The following CSNK1G3 variants were observed in gnomAD, a reference collection of about 807,000 sequenced individuals.
CSNK1G3 encodes the protein casein kinase I isoform gamma-3.
CSNK1G3 carries 23 observed loss-of-function variants against 64.3 expected under a neutral mutation model. The observed-to-expected ratio is 0.36, with a 90% CI of 0.26 to 0.51. The LOEUF (loss-of-function observed/expected upper bound fraction) is 0.51, where lower values mean the gene tolerates loss of function less well. Among genes scored for constraint, CSNK1G3 ranks in the 20% least tolerant of loss-of-function variants. The pLI is 0.96. For synonymous variants in CSNK1G3, 158 were observed against 162.2 expected, an observed-to-expected ratio of 0.97 and a Z score of 0.20; for missense variants, 357 against 510.5, an observed-to-expected ratio of 0.70 and a Z score of 2.90.
At chr5:123,569,518 T>C (rs970594809) in intron 4 of CSNK1G3, among the ~76,000 whole-genome samples, 1 of 152,238 alleles carries the variant, frequency 6.6e-6, no homozygotes, top group East Asian at 1.9e-4. Context: ...GAGTTATGCA[T>C]GTATTTCAAA....
At chr5:123,564,279 T>C (rs560601424) in intron 4 of CSNK1G3, among the ~76,000 whole-genome samples, 196 of 152,102 alleles carry the variant, frequency 1.3e-3, no homozygotes, top group African/African-American at 4.4e-3. Context: ...CAGGCATTAG[T>C]GTTGTGTGTG....
At chr5:123,524,162 G>T (rs1346912349) in intron 1 of CSNK1G3, among the ~76,000 whole-genome samples, 1 of 152,134 alleles carries the variant, frequency 6.6e-6, no homozygotes, top group Non-Finnish European at 1.5e-5. Flanking sequence ...ATGCAAAGTG[G>T]CATTTTATTT....
chr5:123,512,387 C>G (rs902894191), exon 1 of CSNK1G3: 1 of 152,112 alleles, frequency 6.6e-6, no homozygotes, highest in Non-Finnish European at 1.5e-5. Context: ...TGCGTTACCT[C>G]TCTCTCTCGC....
intron 1 of CSNK1G3, among the ~76,000 whole-genome samples, chr5:123,515,997 GT>G (rs890369345): frequency 6.6e-6 from 1 of 151,098 alleles, no homozygotes; most frequent in Non-Finnish European, 1.5e-5. Flanking sequence ...ATTTGAGTCA[GT>G]TTTTTTTTCT....
At chr5:123,577,467 A>T (rs1209026727) in intron 6 of CSNK1G3, among the ~76,000 whole-genome samples, 1 of 152,022 alleles carries the variant, frequency 6.6e-6, no homozygotes, top group Non-Finnish European at 1.5e-5. Flanking sequence ...GTTTATACTG[A>T]TACACTTTTA....
chr5:123,584,051 A>G (rs1790853904), intron 6 of CSNK1G3, among the ~76,000 whole-genome samples: 1 of 152,056 alleles, frequency 6.6e-6, no homozygotes. Flanking sequence ...CTTACCTACT[A>G]GTTGTAATAG....
chr5:123,563,460 A>G (rs1252279151), intron 4 of CSNK1G3, among the ~76,000 whole-genome samples: 1 of 152,026 alleles, frequency 6.6e-6, no homozygotes, highest in Non-Finnish European at 1.5e-5. Context: ...CTTGTTAAAA[A>G]GTCTGGATTT....
chr5:123,613,212 A>T (rs1474914287), intron 12 of CSNK1G3, among the ~76,000 whole-genome samples: 12 of 149,216 alleles, frequency 8.0e-5, no homozygotes, highest in African/African-American at 3.0e-4. Flanking sequence ...GTGGGAGCAG[A>T]TCAGTGATTT....
intron 1 of CSNK1G3, among the ~76,000 whole-genome samples, chr5:123,514,295 T>G (rs1776760772): frequency 6.6e-6 from 1 of 152,228 alleles, no homozygotes; most frequent in African/African-American, 2.4e-5. Context: ...GCTTAAACAT[T>G]AGTGTGTTAT....
At chr5:123,562,124 A>G (rs1428330746) in intron 4 of CSNK1G3, among the ~76,000 whole-genome samples, 3 of 151,826 alleles carry the variant, frequency 2.0e-5, no homozygotes, top group Non-Finnish European at 2.9e-5. Flanking sequence ...AGATCTTACT[A>G]TTTTCACGTC....
At chr5:123,527,231 A>G (rs537602183) in intron 1 of CSNK1G3, among the ~76,000 whole-genome samples, 1 of 152,258 alleles carries the variant, frequency 6.6e-6, no homozygotes, top group East Asian at 1.9e-4. Context: ...TTCTGGAACT[A>G]TTATTTCTTG....
At chr5:123,537,709 A>G (rs1316929593) in intron 1 of CSNK1G3, among the ~76,000 whole-genome samples, 1 of 152,186 alleles carries the variant, frequency 6.6e-6, no homozygotes, top group Non-Finnish European at 1.5e-5. Context: ...TGCAATTTAC[A>G]TACAATGCAT....
chr5:123,604,677 C>A, intron 10 of CSNK1G3, 47 bp from the exon 12 acceptor site: 1 of 915,842 alleles, frequency 1.1e-6, no homozygotes, highest in Admixed American at 2.1e-5. Flanking sequence ...TATTTATGAG[C>A]ATGTGTGTGT....
At chr5:123,548,557 A>C (rs1681251045) in intron 2 of CSNK1G3, among the ~76,000 whole-genome samples, 1 of 151,786 alleles carries the variant, frequency 6.6e-6, no homozygotes, top group Non-Finnish European at 1.5e-5. Context: ...TTTCAAATTT[A>C]AATACGTGTG....
chr5:123,585,131 G>T (rs1484338362), intron 6 of CSNK1G3, among the ~76,000 whole-genome samples: 1 of 152,054 alleles, frequency 6.6e-6, no homozygotes, highest in Non-Finnish European at 1.5e-5. Context: ...AGATAAGTTG[G>T]TCAGAATACA....
chr5:123,539,846 T>C (rs1056020959), intron 1 of CSNK1G3, among the ~76,000 whole-genome samples: 1 of 152,166 alleles, frequency 6.6e-6, no homozygotes, highest in Non-Finnish European at 1.5e-5. Context: ...ACTTTTGATA[T>C]TTTGTTTTAC....
intron 4 of CSNK1G3, among the ~76,000 whole-genome samples, chr5:123,569,950 AC>A (rs1787742762): frequency 6.6e-6 from 1 of 152,290 alleles, no homozygotes; most frequent in East Asian, 1.9e-4. Context: ...CTTTCTTAGC[AC>A]CCTTTAAGAT....
At chr5:123,562,096 ACT>A (rs1411327003) in intron 4 of CSNK1G3, among the ~76,000 whole-genome samples, 1 of 152,080 alleles carries the variant, frequency 6.6e-6, no homozygotes, top group Admixed American at 6.6e-5. Context: ...GTTGCACTAC[ACT>A]TACTATTCCT....
chr5:123,537,192 C>T (rs1052029345), intron 1 of CSNK1G3, among the ~76,000 whole-genome samples: 3 of 152,066 alleles, frequency 2.0e-5, no homozygotes, highest in African/African-American at 4.8e-5. Flanking sequence ...AACCTAAGTG[C>T]CCATCAAAGG....
Sources: gnomAD v4.1 joint callset for allele counts (sites outside exome capture counted in the v4.1 genomes callset) on GRCh38, gnomAD v4.1.1 for gene constraint, MANE v1.5 for transcripts, NCBI Gene and HGNC (gene_info 2026-07-23, HGNC 2026-07-21) for gene names.